Variants in MYO9A observed in about 807,000 individuals in gnomAD.
MYO9A encodes unconventional myosin-IXa.
In MYO9A, 103 loss-of-function variants were observed where a neutral mutation model predicts 293.3. That is an observed-to-expected ratio of 0.35 (90% CI 0.30 to 0.41). MYO9A has a LOEUF of 0.41. Among genes scored for constraint, MYO9A ranks in the 10% least tolerant of loss-of-function variants. The pLI, the probability that MYO9A is intolerant of heterozygous loss-of-function variation, is 1.00. For synonymous variants in MYO9A, 1,001 were observed against 1,035.7 expected (o/e 0.97, Z 0.64); for missense variants, 2,685 against 3,033.0 (o/e 0.89, Z 2.69).
chr15:71,864,339 G>A (rs146689298), intron 32 of MYO9A, among the ~76,000 whole-genome samples: 224 of 152,278 alleles, frequency 1.5e-3, no homozygotes, highest in African/African-American at 4.7e-3. Flanking sequence ...AGCAAATGTT[G>A]GTAAGAATGT....
At chr15:72,031,970 A>G (rs1353470559) in intron 3 of MYO9A, among the ~76,000 whole-genome samples, 1 of 152,096 alleles carries the variant, frequency 6.6e-6, no homozygotes, top group East Asian at 1.9e-4. Context: ...AAAGTGGCAC[A>G]ATCTCAGCTC....
chr15:71,876,459 G>A (rs1435159672), intron 31 of MYO9A, among the ~76,000 whole-genome samples: 1 of 113,556 alleles, frequency 8.8e-6, no homozygotes, highest in Non-Finnish European at 1.7e-5. Flanking sequence ...TTTTTGAGAC[G>A]GAGTTTTGCT....
rs575971271 is a variant in MYO9A, at chr15:71,898,151, G to A, written c.4352C>T (p.Ala1451Val). Reference protein sequence around the residue: ...RNKLLENEDTAGEALTLDINR... With the variant: ...RNKLLENEDTVGEALTLDINR... ...GATATCCAAAGTAAGAGCTTCCCCC[G>A]CTGTGTCTTCATTTTCCAATAGTTT... The change falls in exon 25 of 42, where the codon GCG becomes GTG. Residue 1451 changes from alanine to valine, a missense_variant. This residue lies in a region of MYO9A where 1,434 missense variants were observed against 1,497.7 expected (regional missense o/e 0.96). Coordinates refer to ENST00000356056, the MANE Select transcript of MYO9A (RefSeq NM_006901.4). The A allele has an allele frequency of 1.2e-5, 19 of 1,614,006 alleles. No homozygotes were observed. The African/African-American group carries it at 1.5e-4, about 12-fold the overall frequency.
chr15:71,951,670 A>G (rs924407636), intron 15 of MYO9A, 107 bp downstream of exon 15: 1 of 1,286,058 alleles, frequency 7.8e-7, no homozygotes, highest in East Asian at 2.3e-5. Flanking sequence ...AGGTTTATGG[A>G]GGCCATGTTG....
At chr15:71,951,737 T>C in intron 15 of MYO9A, 40 bp downstream of exon 15, 1 of 1,612,130 alleles carries the variant, frequency 6.2e-7, no homozygotes, top group African/African-American at 1.3e-5. Flanking sequence ...CATTTCCAAA[T>C]GGATATGTGA....
chr15:71,892,934 T>A, intron 26 of MYO9A: 1 of 1,188,244 alleles, frequency 8.4e-7, no homozygotes, highest in Non-Finnish European at 1.1e-6. Flanking sequence ...CAGATTTGCT[T>A]GCTATTTTTC....
intron 39 of MYO9A, among the ~76,000 whole-genome samples, chr15:71,842,938 G>A (rs1052801557): frequency 3.3e-5 from 5 of 151,744 alleles, no homozygotes; most frequent in Admixed American, 2.0e-4. Context: ...TGTATGGGGC[G>A]GGGGGTGGTG....
intron 1 of MYO9A, among the ~76,000 whole-genome samples, chr15:72,072,865 G>A (rs1337551096): frequency 6.6e-6 from 1 of 151,920 alleles, no homozygotes; most frequent in Non-Finnish European, 1.5e-5. Context: ...ACCCTTATAA[G>A]GAACCCGCAC....
At chr15:72,028,446 G>C (rs554887370) in intron 3 of MYO9A, among the ~76,000 whole-genome samples, 1 of 150,388 alleles carries the variant, frequency 6.6e-6, no homozygotes, top group Admixed American at 6.6e-5. Flanking sequence ...TCAGGAGTTC[G>C]AGACCAGCCT....
chr15:71,936,323 A>C (rs2145913580), intron 16 of MYO9A, among the ~76,000 whole-genome samples: 1 of 152,240 alleles, frequency 6.6e-6, no homozygotes, highest in East Asian at 1.9e-4. Flanking sequence ...AAAGGTAATG[A>C]GGTGGAGGGG....
At chr15:71,917,507 C>G (rs1040299094) in intron 18 of MYO9A, among the ~76,000 whole-genome samples, 3 of 152,136 alleles carry the variant, frequency 2.0e-5, no homozygotes, top group Non-Finnish European at 4.4e-5. Flanking sequence ...TGCACACCAG[C>G]CCGGGCAACA....
chr15:71,898,739 C>T lies in MYO9A; in HGVS notation c.3764G>A (p.Arg1255Lys). ...ATGGAGATCCTCCAAGGATCTGGGTCTCTCTCTTACAAGCACATCTTCCTG... is the reference window on the plus strand; with the variant it reads ...ATGGAGATCCTCCAAGGATCTGGGTTTCTCTCTTACAAGCACATCTTCCTG... ...DLQEDVLVRE[R>K]PRSLEDLHQK... is the part of the protein sequence containing the mutation. Residue 1255 changes from arginine to lysine, a missense_variant, in exon 25 of 42, where the codon AGA becomes AAA. This residue lies in a region of MYO9A where 1,434 missense variants were observed against 1,497.7 expected (regional missense o/e 0.96). Transcript: ENST00000356056. 6.2e-7 allele frequency: 1 copy of T among 1,613,994 alleles called. No homozygotes were observed. Among genetic ancestry groups the T allele is most frequent in the African/African-American group, 1.3e-5 (1 of 75,030 alleles).
chr15:72,017,027 T>C (rs1041256514), intron 6 of MYO9A, among the ~76,000 whole-genome samples: 1 of 141,318 alleles, frequency 7.1e-6, no homozygotes, highest in African/African-American at 2.7e-5. Context: ...TTTTTTTTTT[T>C]TTTTTTTTTT....
chr15:71,945,846 T>C (rs1284478227), intron 15 of MYO9A, among the ~76,000 whole-genome samples: 1 of 152,200 alleles, frequency 6.6e-6, no homozygotes, highest in Admixed American at 6.5e-5. Context: ...CACTAATAAC[T>C]ATGGAGTTTG....
At chr15:71,951,492 T>G (rs2059050197) in intron 15 of MYO9A, among the ~76,000 whole-genome samples, 1 of 152,024 alleles carries the variant, frequency 6.6e-6, no homozygotes, top group Non-Finnish European at 1.5e-5. Flanking sequence ...TATCCATCAC[T>G]TGGCTACTTG....
chr15:72,063,360 C>A (rs2078928797), intron 1 of MYO9A, among the ~76,000 whole-genome samples: 1 of 151,984 alleles, frequency 6.6e-6, no homozygotes, highest in Admixed American at 6.6e-5. Flanking sequence ...TGAGTAATAC[C>A]CCAAAAGCAC....
rs763229149 is a variant in MYO9A at position 71,888,007 on chromosome 15, A to T, written c.5252T>A (p.Ile1751Lys). The change falls in exon 27 of 42, where the codon ATA becomes AAA. Residue 1751 changes from isoleucine (I) to lysine (K), a missense_variant. Coordinates refer to ENST00000356056, the MANE Select transcript of MYO9A (RefSeq NM_006901.4). Reference sequence around the variant, plus strand: ...TAACTCCGTGTATACTTTATACCTTATATCTGAATCTGAAGCCTTCTGTCT... The same window carrying T: ...TAACTCCGTGTATACTTTATACCTTTTATCTGAATCTGAAGCCTTCTGTCT... The part of the protein sequence containing the change: ...AVRQKASDSD[I>K]RPQRAKMRFW... The T allele has an allele frequency of 1.2e-5, 18 of 1,537,908 alleles. No homozygotes were observed. The East Asian group carries it at 3.4e-4, about 29-fold the overall frequency.
rs5813670 is a variant in MYO9A, at chr15:71,938,733, G to GA, written c.2378+118dup. ...ATTACATCACTTATAAAGGATTCAAGAAATAAAAAAACAAAACAAGCCTGA... is the reference window on the plus strand; with the variant it reads ...ATTACATCACTTATAAAGGATTCAAGAAAATAAAAAAACAAAACAAGCCTGA... On this transcript the variant is annotated intron_variant, in intron 16 of 41. Coordinates refer to ENST00000356056, the MANE Select transcript of MYO9A (RefSeq NM_006901.4). 253 of 823,126 alleles carry GA rather than the reference G, an allele frequency of 3.1e-4. 2 individuals are homozygous for GA. In the South Asian group the frequency reaches 5.4e-3, roughly 18 times the overall value. 51.0% of individuals were successfully genotyped at this position (823,126 alleles called of 1,614,324 possible). A position where few individuals can be genotyped will look rare whatever the true frequency, so the allele number is the denominator to read the frequency against.
intron 13 of MYO9A, among the ~76,000 whole-genome samples, chr15:71,964,217 A>C (rs1375720112): frequency 6.6e-6 from 1 of 152,160 alleles, no homozygotes; most frequent in Non-Finnish European, 1.5e-5. Context: ...TCAAGGAACT[A>C]ACTTTTGGCT....
Sources: allele counts gnomAD v4.1 joint callset (sites outside exome capture counted in the v4.1 genomes callset), GRCh38; gene constraint gnomAD v4.1.1; regional missense constraint gnomAD v4.1.1; transcripts MANE v1.5; gene names NCBI Gene and HGNC (gene_info 2026-07-23, HGNC 2026-07-21).